FUT8: variants seen among roughly 807,000 people sequenced by gnomAD.
FUT8 encodes fucosyltransferase 8.
Under a neutral mutation model 71.3 loss-of-function variants are expected in FUT8, and 29 were observed. The ratio of observed to expected loss-of-function variants is 0.41; its 90% CI spans 0.30 to 0.55. The LOEUF is 0.55. Among genes scored for constraint, FUT8 ranks in the 20% least tolerant of loss-of-function variants. The pLI, the probability that FUT8 is intolerant of heterozygous loss-of-function variation, is 0.34. For missense variants in FUT8, 544 were observed against 702.1 expected (o/e 0.77, Z 2.55); for synonymous variants, 254 against 239.3 (o/e 1.06, Z -0.57).
chr14:65,719,378 G>T (rs1177509924), intron 7 of FUT8, among the ~76,000 whole-genome samples: 4 of 151,944 alleles, frequency 2.6e-5, no homozygotes, highest in African/African-American at 9.7e-5. Context: ...GAACTTCTTT[G>T]CATTTCCTCA....
chr14:65,580,728 A>G (rs1442200139), intron 3 of FUT8, among the ~76,000 whole-genome samples: 3 of 152,104 alleles, frequency 2.0e-5, no homozygotes. Context: ...GGGGAAGTTC[A>G]TACTCTGTCT....
intron 6 of FUT8, among the ~76,000 whole-genome samples, chr14:65,644,332 C>G (rs904777071): frequency 6.6e-6 from 1 of 151,810 alleles, no homozygotes; most frequent in South Asian, 2.1e-4. Flanking sequence ...ACTCTGTCAC[C>G]CAGGCTGGAG....
At chr14:65,468,354 T>C in intron 2 of FUT8, 1 of 570,900 alleles carries the variant, frequency 1.8e-6, no homozygotes, top group Non-Finnish European at 3.3e-6. Context: ...TTTTGGCGAA[T>C]TACTGGAAGA....
intron 1 of FUT8, among the ~76,000 whole-genome samples, chr14:65,450,033 G>A (rs569724202): frequency 4.5e-4 from 69 of 152,262 alleles, no homozygotes; most frequent in African/African-American, 1.6e-3. Context: ...GTTTTCCCAT[G>A]ACTTTGGGTT....
chr14:65,682,376 C>T lies in FUT8; in HGVS notation c.835+12896C>T, dbSNP rs139876419. Among the ~76,000 whole-genome samples, 1,213 of 152,094 alleles carry T rather than the reference C, an allele frequency of 8.0e-3. 55 individuals are homozygous for T. In the East Asian group the frequency reaches 0.13, roughly 16 times the overall value. ...TTTTTAAATTAGCTGGGCATGGTGGCACATGCCTGTAGTCCCAGCTACTTG... is the reference window on the plus strand; with the variant it reads ...TTTTTAAATTAGCTGGGCATGGTGGTACATGCCTGTAGTCCCAGCTACTTG... On this transcript the variant is annotated intron_variant, in intron 7 of 10. Coordinates refer to ENST00000673929, the MANE Select transcript of FUT8 (RefSeq NM_001371533.1).
At chr14:65,694,285 A>G (rs943264863) in intron 7 of FUT8, among the ~76,000 whole-genome samples, 2 of 152,080 alleles carry the variant, frequency 1.3e-5, no homozygotes, top group African/African-American at 4.8e-5. Context: ...CTTCCTTTTC[A>G]TTATGTGTAT....
At chr14:65,586,183 G>A (rs7161123) in intron 3 of FUT8, among the ~76,000 whole-genome samples, 53,624 of 152,066 alleles carry the variant, frequency 0.35, 11,792 homozygotes, top group Non-Finnish European at 0.5. Flanking sequence ...TAGGTTAAAT[G>A]ATAAAACCGA....
the FUT8 span, among the ~76,000 whole-genome samples, chr14:65,381,663 T>TA: frequency 6.6e-6 from 1 of 152,168 alleles, no homozygotes; most frequent in Non-Finnish European, 1.5e-5. Flanking sequence ...TTCCTCAACT[T>TA]AAAGCTTATC....
chr14:65,609,278 G>A lies in FUT8; in HGVS notation c.204-6700G>A, dbSNP rs182081670. Among the ~76,000 whole-genome samples the A allele has an allele frequency of 1.7e-4, 25 of 150,292 alleles. No homozygotes were observed. The East Asian group carries it at 4.7e-3, about 28-fold the overall frequency. ...CCACTGCACTCCAGCCTGGGTGACA[G>A]AGTGAGACTCTGTCTCAAAAAAAAA... is the stretch of plus-strand genomic sequence containing the variant. On this transcript the variant is annotated intron_variant, in intron 3 of 10. Transcript: ENST00000673929.
intron 2 of FUT8, among the ~76,000 whole-genome samples, chr14:65,503,978 T>C (rs919036120): frequency 4.6e-5 from 7 of 152,232 alleles, no homozygotes; most frequent in African/African-American, 1.7e-4. Flanking sequence ...ATTACTGTTA[T>C]TTTAATTTGC....
At chr14:65,474,291 T>C (rs1396256999) in intron 2 of FUT8, among the ~76,000 whole-genome samples, 4 of 151,336 alleles carry the variant, frequency 2.6e-5, no homozygotes, top group Non-Finnish European at 5.9e-5. Flanking sequence ...CAAAAGCTAT[T>C]GAAATAAAAA....
the FUT8 span, among the ~76,000 whole-genome samples, chr14:65,362,509 TCAAACAAA>T: frequency 4.6e-5 from 7 of 151,448 alleles, no homozygotes; most frequent in South Asian, 4.2e-4. Context: ...GACCCCCATC[TCAAACAAA>T]CAAACAAACA....
the FUT8 span, among the ~76,000 whole-genome samples, chr14:65,377,751 G>A: frequency 6.6e-6 from 1 of 152,164 alleles, no homozygotes; most frequent in African/African-American, 2.4e-5. Context: ...AAACTCTCAA[G>A]AGGTTTGAAT....
the FUT8 span, among the ~76,000 whole-genome samples, chr14:65,358,407 T>A: frequency 6.6e-6 from 1 of 152,216 alleles, no homozygotes; most frequent in Non-Finnish European, 1.5e-5. Flanking sequence ...TTATCACATG[T>A]ACAAAAATGT....
the FUT8 span, among the ~76,000 whole-genome samples, chr14:65,400,217 T>A: frequency 1.3e-5 from 2 of 152,234 alleles, no homozygotes; most frequent in African/African-American, 4.8e-5. Flanking sequence ...ACTATATCAA[T>A]GGTATCAAAT....
intron 3 of FUT8, among the ~76,000 whole-genome samples, chr14:65,583,171 CTTTTTCTTTTGTT>C (rs752785148): frequency 1.1e-4 from 16 of 151,820 alleles, no homozygotes; most frequent in Non-Finnish European, 1.8e-4. Flanking sequence ...GGTTTTATTT[CTTTTTCTTTTGTT>C]TTTTTCTTTT....
At chr14:65,360,183 G>A in the FUT8 span, among the ~76,000 whole-genome samples, 1 of 152,118 alleles carries the variant, frequency 6.6e-6, no homozygotes, top group Non-Finnish European at 1.5e-5. Context: ...TGCATCCTCT[G>A]ATAACTGGTA....
the FUT8 span, among the ~76,000 whole-genome samples, chr14:65,373,771 G>A: frequency 6.6e-6 from 1 of 152,194 alleles, no homozygotes; most frequent in African/African-American, 2.4e-5. Context: ...GCCCCTGGGT[G>A]CTACAAGCCT....
At chr14:65,567,572 G>A (rs1886261159) in intron 3 of FUT8, among the ~76,000 whole-genome samples, 1 of 151,912 alleles carries the variant, frequency 6.6e-6, no homozygotes, top group South Asian at 2.1e-4. Context: ...CTTAAAGCCA[G>A]TGAGATAGAT....
Sources: gnomAD v4.1 joint callset for allele counts (sites outside exome capture counted in the v4.1 genomes callset) on GRCh38, gnomAD v4.1.1 for gene constraint, MANE v1.5 for transcripts, NCBI Gene and HGNC (gene_info 2026-07-23, HGNC 2026-07-21) for gene names.